Variants in IL21 observed in about 807,000 individuals in gnomAD.
The protein encoded by IL21 is interleukin-21.
A neutral mutation model predicts 18.4 loss-of-function variants in IL21; 3 were observed. That is an observed-to-expected ratio of 0.16 (90% confidence interval 0.07 to 0.42). The LOEUF (loss-of-function observed/expected upper bound fraction) is 0.42. Ranked by LOEUF, IL21 falls within the 10% of genes least tolerant of loss-of-function variation. The pLI is 0.99. For synonymous variants in IL21, 37 were observed against 62.0 expected, an observed-to-expected ratio of 0.60 and a Z score of 1.90; for missense variants, 130 against 188.4, an observed-to-expected ratio of 0.69 and a Z score of 1.81.
At chr4:122,618,804 CAAAAAAAAAAA>C (rs1158779760) in intron 2 of IL21, among the ~76,000 whole-genome samples, 2 of 32,588 alleles carry the variant, frequency 6.1e-5, no homozygotes, top group African/African-American at 2.1e-4. Context: ...GACTCCGTCT[CAAAAAAAAAAA>C]AAAAAAAAAA....
chr4:122,615,543 A>T, intron 3 of IL21, 139 bp downstream of exon 3: 1 of 654,036 alleles, frequency 1.5e-6, no homozygotes, highest in Non-Finnish European at 2.4e-6. Flanking sequence ...AAAAAAAAAA[A>T]GCACCATGTA....
chr4:122,620,998 G>A lies in IL21; in HGVS notation c.14C>T (p.Pro5Leu). Residue 5 changes from proline (P) to leucine (L), a missense_variant, in exon 1 of 5, where the codon CCT (proline) becomes CTT (leucine). Transcript: ENST00000648588. Reference sequence around the variant, plus strand: ...GATGACAATCCTCTCCATGTTGCCAGGACTGGATCTCATAAGTACCAACAG... The same window carrying A: ...GATGACAATCCTCTCCATGTTGCCAAGACTGGATCTCATAAGTACCAACAG... MRSS[P>L]GNMERIVICL... is the part of the protein sequence containing the mutation. 6.2e-7 allele frequency: 1 copy of A among 1,613,860 alleles called. No individual in the cohort carries two copies. The highest frequency in any genetic ancestry group is 8.5e-7 in the Non-Finnish European group (1 of 1,179,864).
rs201994596 is a variant in IL21, at chr4:122,612,772, G to A, written c.439-12C>T. The A allele has an allele frequency of 6.2e-7, 1 of 1,613,534 alleles. No individual in the cohort carries two copies. Among genetic ancestry groups the A allele is most frequent in the Admixed American group, 1.7e-5 (1 of 60,018 alleles). ...TGCTGATGAATCATCTGTGGAAATA[G>A]TATACCGTGAGTAACTAAGAAGCAA... is the stretch of plus-strand genomic sequence containing the variant. On this transcript the variant is annotated splice_polypyrimidine_tract_variant and intron_variant, in intron 4 of 4. Transcript: ENST00000648588.
At chr4:122,615,015 C>T (rs1252147154) in intron 3 of IL21, among the ~76,000 whole-genome samples, 4 of 152,088 alleles carry the variant, frequency 2.6e-5, no homozygotes, top group African/African-American at 9.7e-5. Flanking sequence ...GGATCTAGCT[C>T]CTGTTAATAA....
chr4:122,611,557 G>T lies in IL21; in HGVS notation c.*1153C>A, dbSNP rs2150684279. Among the ~76,000 whole-genome samples, 1 of 152,232 alleles carries T rather than the reference G, an allele frequency of 6.6e-6. No individual in the cohort carries two copies. On this transcript the variant is annotated 3_prime_UTR_variant, in exon 5 of 5. Transcript: ENST00000648588. ...CTTCATGTTTAAACAAGCTGTGCTG[G>T]AGTTGATATGAAATGGCAGGTAGAG...
rs1318019158 is a variant in IL21 at position 122,620,975 on chromosome 4, T to A, written c.37A>T (p.Ile13Phe). 6.2e-7 allele frequency: 1 copy of A among 1,614,026 alleles called. No individual in the cohort carries two copies. The highest frequency in any genetic ancestry group is 1.1e-5 in the South Asian group (1 of 91,080). Residue 13 changes from isoleucine (I) to phenylalanine (F), a missense_variant, in exon 1 of 5, where the codon ATC becomes TTC. By Grantham distance (21) the Ile-to-Phe change is conservative. Coordinates refer to ENST00000648588, the MANE Select transcript of IL21 (RefSeq NM_021803.4). ...SSPGNMERIV[I>F]CLMVIFLGTL... ...CCCAAGAAGATGACCATCAGACAGA[T>A]GACAATCCTCTCCATGTTGCCAGGA...
Position 122,612,522 on chromosome 4 carries a change from A to G in IL21, c.*188T>C. ...ATAAAGTAAAAACTTCAGAAGTCAT[A>G]GAAATCAATAACATAGGAAATCAGA... On this transcript the variant is annotated 3_prime_UTR_variant, in exon 5 of 5. Transcript: ENST00000648588. 1 of 440,594 alleles carries G rather than the reference A, an allele frequency of 2.3e-6. No homozygotes were observed. The highest frequency in any genetic ancestry group is 4.0e-6 in the Non-Finnish European group (1 of 250,986). The allele number at this position is 440,594 out of a possible 1,614,324, so 27.3% of individuals were successfully genotyped here.
In IL21 at chr4:122,614,849, G is replaced by A. The variant is rs45571037; in HGVS notation, c.360+833C>T. ...GATCTCAGGGCTCCTAAAAGCTTGG[G>A]ACTGTTAAAATTCCCCAGCCAAGTA... On this transcript the variant is annotated intron_variant, in intron 3 of 4. Transcript: ENST00000648588. Among the ~76,000 whole-genome samples, 518 of 152,204 alleles carry A rather than the reference G, an allele frequency of 3.4e-3. 2 individuals are homozygous for A. Among genetic ancestry groups the A allele is most frequent in the Non-Finnish European group, 5.0e-3 (337 of 67,994 alleles).
intron 2 of IL21, among the ~76,000 whole-genome samples, chr4:122,616,917 TA>T (rs758252565): frequency 1.3e-5 from 2 of 152,212 alleles, no homozygotes; most frequent in Non-Finnish European, 2.9e-5. Context: ...GCTACTACCT[TA>T]TAACCAGAAG....
chr4:122,613,985 CT>C (rs1799301689), intron 3 of IL21, among the ~76,000 whole-genome samples: 1 of 152,130 alleles, frequency 6.6e-6, no homozygotes. Context: ...TTAGTTTATG[CT>C]CTTTGTCTTT....
At chr4:122,614,262 G>C (rs371799965) in intron 3 of IL21, among the ~76,000 whole-genome samples, 12 of 152,250 alleles carry the variant, frequency 7.9e-5, no homozygotes, top group African/African-American at 2.9e-4. Context: ...AATATGTTCA[G>C]CTCCTTTCTT....
At chr4:122,618,474 G>T (rs1799371497) in intron 2 of IL21, among the ~76,000 whole-genome samples, 1 of 151,920 alleles carries the variant, frequency 6.6e-6, no homozygotes, top group Non-Finnish European at 1.5e-5. Context: ...AGAAAGCCCT[G>T]GCCATTCACA....
intron 2 of IL21, 41 bp from the exon 3 acceptor site, chr4:122,615,878 T>C (rs1578436685): frequency 6.6e-7 from 1 of 1,522,164 alleles, no homozygotes; most frequent in Non-Finnish European, 9.0e-7. Flanking sequence ...ACAAACATTA[T>C]TCAGAAAGTA....
At chr4:122,619,978 C>G (rs1245185534) in intron 2 of IL21, 1 of 152,124 alleles carries the variant, frequency 6.6e-6, no homozygotes, top group African/African-American at 2.4e-5. Flanking sequence ...GGTACCAGAC[C>G]AGAAGATCAG....
rs1174098159 is a variant in IL21, at chr4:122,611,150, C to G, written c.*1560G>C. Among the ~76,000 whole-genome samples the G allele has an allele frequency of 1.3e-5, 2 of 152,174 alleles. No individual in the cohort carries two copies. Among genetic ancestry groups the G allele is most frequent in the Non-Finnish European group, 2.9e-5 (2 of 68,018 alleles). ...TGCCTGCTTCCACATTTTGTCACAA[C>G]AACCCGGGCTGGCGTATTTGAAACT... On this transcript the variant is annotated 3_prime_UTR_variant, in exon 5 of 5. Transcript: ENST00000648588.
rs776078661 is a variant in IL21, at chr4:122,610,353, C to T, written c.*2357G>A. 6.6e-5 allele frequency among the ~76,000 whole-genome samples: 10 copies of T among 152,072 alleles called. No individual in the cohort carries two copies. Among genetic ancestry groups the T allele is most frequent in the Non-Finnish European group, 1.5e-4 (10 of 68,012 alleles). On this transcript the variant is annotated 3_prime_UTR_variant, in exon 5 of 5. Coordinates refer to ENST00000648588, the MANE Select transcript of IL21 (RefSeq NM_021803.4). Reference sequence around the variant, plus strand: ...TAATAAAGATCATGATTAATTTTCCCTGAACTCTCATGACCTATAATAATG... The same window carrying T: ...TAATAAAGATCATGATTAATTTTCCTTGAACTCTCATGACCTATAATAATG...
At chr4:122,613,843 T>C (rs1799298643) in intron 3 of IL21, among the ~76,000 whole-genome samples, 1 of 152,208 alleles carries the variant, frequency 6.6e-6, no homozygotes. Context: ...CTTATTATTA[T>C]AGGGTATTGT....
At chr4:122,613,770 A>T (rs887667893) in intron 3 of IL21, among the ~76,000 whole-genome samples, 4 of 152,210 alleles carry the variant, frequency 2.6e-5, no homozygotes, top group African/African-American at 9.7e-5. Flanking sequence ...AATTAAAGGG[A>T]TAAAAATTTT....
intron 2 of IL21, among the ~76,000 whole-genome samples, chr4:122,618,824 A>G (rs938181236): frequency 2.0e-5 from 3 of 151,608 alleles, no homozygotes; most frequent in African/African-American, 7.3e-5. Flanking sequence ...AAAAAAAAAA[A>G]AAAAAAAGGA....
Sources: allele counts gnomAD v4.1 joint callset (sites outside exome capture counted in the v4.1 genomes callset), GRCh38; gene constraint gnomAD v4.1.1; transcripts MANE v1.5; gene names NCBI Gene and HGNC (gene_info 2026-07-23, HGNC 2026-07-21).